Variants in GOLGA4 observed in about 807,000 individuals in gnomAD.
GOLGA4 encodes golgin subfamily A member 4.
A neutral mutation model predicts 265.9 loss-of-function variants in GOLGA4; 169 were observed. The observed-to-expected ratio is 0.64, with a 90% CI of 0.56 to 0.72. The LOEUF is 0.72. Among genes scored for constraint, GOLGA4 ranks in the 30% least tolerant of loss-of-function variants. GOLGA4 has a pLI of 0.00. For synonymous variants in GOLGA4, 923 were observed against 855.8 expected (o/e 1.08, Z -1.37); for missense variants, 2,482 against 2,483.4 (o/e 1.00, Z 0.01).
Position 37,326,398 on chromosome 3 carries a change from C to T in GOLGA4, c.4512C>T (p.Asp1504=), listed in dbSNP as rs12330866. The change falls in exon 14 of 24, where the codon GAC becomes GAT. Residue 1504 remains aspartate, a synonymous_variant. Coordinates refer to ENST00000361924, the MANE Select transcript of GOLGA4 (RefSeq NM_002078.5). ...ATTGTTTAAAGGGTGAAATGGAAGA[C>T]GACAAGAGCAAGATGGAGAAAAAGG... ...RFDCLKGEME[D]DKSKMEKKES... is the part of the protein sequence containing the mutation. The T allele has an allele frequency of 4.4e-3, 7,131 of 1,612,968 alleles. 257 individuals carry two copies. The African/African-American group carries it at 0.082, about 19-fold the overall frequency.
At chr3:37,294,006 A>G (rs907461534) in intron 5 of GOLGA4, among the ~76,000 whole-genome samples, 2 of 152,180 alleles carry the variant, frequency 1.3e-5, no homozygotes, top group Middle Eastern at 3.2e-3. Context: ...AAAATACGTT[A>G]TTATAATCTT....
At chr3:37,263,618 A>G (rs1388427367) in intron 2 of GOLGA4, among the ~76,000 whole-genome samples, 1 of 152,216 alleles carries the variant, frequency 6.6e-6, no homozygotes, top group Non-Finnish European at 1.5e-5. Flanking sequence ...TTTAGGAAGG[A>G]AATAACAAGG....
chr3:37,331,879 C>G (rs774886513), intron 16 of GOLGA4, among the ~76,000 whole-genome samples: 1 of 152,136 alleles, frequency 6.6e-6, no homozygotes, highest in Non-Finnish European at 1.5e-5. Context: ...GCTTCTCTCC[C>G]CAGCACAATT....
At position 37,324,390 on chromosome 3, in the gene GOLGA4, G is replaced by C; in HGVS notation, c.2504G>C (p.Arg835Thr). ...AAGTTGTTGGATTTGGAAACAGAAA[G>C]AATTCTTCTTACCAAACAGGTTGCT... Reference protein sequence around the residue: ...QQKLLDLETERILLTKQVAEV... With the variant: ...QQKLLDLETETILLTKQVAEV... Residue 835 changes from arginine to threonine, a missense_variant, in exon 14 of 24, where the codon AGA becomes ACA. Around this residue, in one of 3 missense-constraint regions of GOLGA4, gnomAD observed 1,536 missense variants for 1,483.7 expected, o/e 1.04. Coordinates refer to ENST00000361924, the MANE Select transcript of GOLGA4 (RefSeq NM_002078.5). The C allele has an allele frequency of 1.2e-6, 2 of 1,614,094 alleles. No homozygotes were observed. The highest frequency in any genetic ancestry group is 1.7e-6 in the Non-Finnish European group (2 of 1,179,998).
intron 23 of GOLGA4, among the ~76,000 whole-genome samples, chr3:37,362,779 G>GTTTTTTTTTTTTTTTTTT: frequency 1.3e-5 from 1 of 78,938 alleles, no homozygotes; most frequent in African/African-American, 4.9e-5. Context: ...CAGCCTCTAA[G>GTTTTTTTTTTTTTTTTTT]CTTTTTTTTT....
intron 4 of GOLGA4, among the ~76,000 whole-genome samples, chr3:37,286,782 C>A (rs2096850728): frequency 6.6e-6 from 1 of 152,150 alleles, no homozygotes; most frequent in Non-Finnish European, 1.5e-5. Flanking sequence ...ATCATTATAT[C>A]AGGGTCCAAA....
At chr3:37,276,627 C>T (rs1223545178) in intron 2 of GOLGA4, 1 of 1,537,040 alleles carries the variant, frequency 6.5e-7, no homozygotes. Flanking sequence ...ATATCTGGAC[C>T]ATTAAGAAAA....
chr3:37,285,518 T>G (rs1221708219), intron 3 of GOLGA4, among the ~76,000 whole-genome samples: 1 of 152,260 alleles, frequency 6.6e-6, no homozygotes, highest in Non-Finnish European at 1.5e-5. Context: ...AAGGAACTTT[T>G]AGAAATCAAT....
Position 37,299,359 on chromosome 3 carries a change from T to C in GOLGA4, c.1074T>C (p.Leu358=). 2 of 1,609,302 alleles carry C rather than the reference T, an allele frequency of 1.2e-6. No homozygotes were observed. The highest frequency in any genetic ancestry group is 1.7e-6 in the Non-Finnish European group (2 of 1,175,886). ...ATGCAAAGAACTTAATTGAACAGCT[T>C]GAACAAGATAAGGTAAAACAACAAA... ...LRDAKNLIEQ[L]EQDKGMVIAE... is the part of the protein sequence containing the mutation. Residue 358 remains leucine, a synonymous_variant, in exon 9 of 24, where the codon CTT becomes CTC. Transcript: ENST00000361924.
intron 2 of GOLGA4, among the ~76,000 whole-genome samples, chr3:37,281,096 AAAT>A (rs1215176886): frequency 6.6e-6 from 1 of 152,188 alleles, no homozygotes; most frequent in Non-Finnish European, 1.5e-5. Flanking sequence ...AGACATCAGT[AAAT>A]ATTGACTGCT....
chr3:37,247,551 A>G (rs2096722846), intron 1 of GOLGA4, among the ~76,000 whole-genome samples: 1 of 152,234 alleles, frequency 6.6e-6, no homozygotes, highest in Non-Finnish European at 1.5e-5. Flanking sequence ...CTTATTCCTA[A>G]GGATGACTGG....
intron 12 of GOLGA4, among the ~76,000 whole-genome samples, chr3:37,321,139 GCTTCT>G (rs2096953739): frequency 2.0e-5 from 3 of 152,262 alleles, no homozygotes; most frequent in African/African-American, 7.2e-5. Flanking sequence ...ACTGTCTAGA[GCTTCT>G]CTTCTTAAAA....
chr3:37,297,609 A>G (rs543089893), intron 7 of GOLGA4, among the ~76,000 whole-genome samples: 145 of 152,362 alleles, frequency 9.5e-4, no homozygotes, highest in Non-Finnish European at 1.8e-3. Flanking sequence ...GTGAATTACT[A>G]CTAAGCTTCT....
chr3:37,250,916 G>T (rs773095556), intron 1 of GOLGA4, among the ~76,000 whole-genome samples: 11 of 152,068 alleles, frequency 7.2e-5, no homozygotes, highest in Non-Finnish European at 1.3e-4. Flanking sequence ...CTGTTTATCT[G>T]TGCATTTCAT....
chr3:37,317,921 T>A (rs1287458248), intron 11 of GOLGA4, among the ~76,000 whole-genome samples: 2 of 152,052 alleles, frequency 1.3e-5, no homozygotes, highest in South Asian at 4.1e-4. Flanking sequence ...TAGAAAATTT[T>A]TTTTTTCCTT....
intron 9 of GOLGA4, among the ~76,000 whole-genome samples, chr3:37,301,770 CT>C (rs2096893329): frequency 6.6e-6 from 1 of 151,798 alleles, no homozygotes; most frequent in African/African-American, 2.4e-5. Flanking sequence ...TTTTTTCTGC[CT>C]TTTATTTTTT....
intron 16 of GOLGA4, among the ~76,000 whole-genome samples, 179 bp from the exon 17 acceptor site, chr3:37,334,874 A>G (rs2097004435): frequency 6.6e-6 from 1 of 152,202 alleles, no homozygotes; most frequent in South Asian, 2.1e-4. Flanking sequence ...TGTTTAGAGC[A>G]CAATAATGAA....
At chr3:37,342,922 T>A (rs983482093) in intron 20 of GOLGA4, among the ~76,000 whole-genome samples, 12 of 152,172 alleles carry the variant, frequency 7.9e-5, no homozygotes, top group African/African-American at 2.9e-4. Context: ...TTTTTTGAGA[T>A]GAAGTCTCGC....
At position 37,286,045 on chromosome 3, in the gene GOLGA4, A is replaced by G; in HGVS notation, c.509A>G (p.Glu170Gly). The G allele has an allele frequency of 6.3e-7, 1 of 1,576,808 alleles. No homozygotes were observed. Among genetic ancestry groups the G allele is most frequent in the Non-Finnish European group, 8.7e-7 (1 of 1,150,784 alleles). ...LVTAYQMLQR[E>G]KKKLQGILSQ... Reference sequence around the variant, plus strand: ...ACAGCTTATCAGATGCTTCAGAGAGAGAAGAAAAAGCTACAAGTAAGTGAT... The same window carrying G: ...ACAGCTTATCAGATGCTTCAGAGAGGGAAGAAAAAGCTACAAGTAAGTGAT... The change falls in exon 4 of 24, where the codon GAG becomes GGG. Residue 170 changes from glutamate to glycine, a missense_variant. By Grantham distance (98) the Glu-to-Gly change is moderately conservative (BLOSUM62 -2). Around this residue, in one of 3 missense-constraint regions of GOLGA4, gnomAD observed 1,536 missense variants for 1,483.7 expected, o/e 1.04. Coordinates refer to ENST00000361924, the MANE Select transcript of GOLGA4 (RefSeq NM_002078.5).
Sources: gnomAD v4.1 joint callset for allele counts (sites outside exome capture counted in the v4.1 genomes callset) on GRCh38, gnomAD v4.1.1 for gene constraint, gnomAD v4.1.1 regional missense constraint, MANE v1.5 for transcripts, NCBI Gene and HGNC (gene_info 2026-07-23, HGNC 2026-07-21) for gene names.